The following ZSWIM7 variants were observed in gnomAD, a reference collection of about 807,000 sequenced individuals.
ZSWIM7 encodes zinc finger SWIM-type containing 7.
A neutral mutation model predicts 21.1 loss-of-function variants in ZSWIM7; 22 were observed. That is an observed-to-expected ratio of 1.04 (90% confidence interval 0.74 to 1.49). The LOEUF (loss-of-function observed/expected upper bound fraction) is 1.49. Ranked by LOEUF, ZSWIM7 falls within the 40% of genes most tolerant of loss-of-function variation. ZSWIM7 has a pLI of 0.00. For missense variants in ZSWIM7, 193 were observed against 168.0 expected (o/e 1.15, Z -0.82); for synonymous variants, 67 against 66.5 (o/e 1.01, Z -0.04).
chr17:15,997,389 T>C (rs1970568873), intron 1 of ZSWIM7, among the ~76,000 whole-genome samples: 1 of 152,118 alleles, frequency 6.6e-6, no homozygotes, highest in Non-Finnish European at 1.5e-5. Flanking sequence ...GAGGGGAGAT[T>C]GAGAACACTA....
At chr17:15,997,107 TG>T (rs1970564450) in intron 1 of ZSWIM7, among the ~76,000 whole-genome samples, 3 of 150,026 alleles carry the variant, frequency 2.0e-5, no homozygotes, top group South Asian at 4.2e-4. Flanking sequence ...AAAGCTACAG[TG>T]AGCTTTGATC....
At chr17:15,978,800 C>T (rs1970309504) in intron 4 of ZSWIM7, among the ~76,000 whole-genome samples, 1 of 152,142 alleles carries the variant, frequency 6.6e-6, no homozygotes, top group South Asian at 2.1e-4. Context: ...TCCTTGCCTT[C>T]AGAAAGCTGT....
intron 1 of ZSWIM7, among the ~76,000 whole-genome samples, chr17:15,994,249 G>A (rs368965225): frequency 1.6e-4 from 24 of 152,268 alleles, no homozygotes; most frequent in African/African-American, 3.9e-4. Context: ...CACCGTGCCC[G>A]GCCAGATTTG....
chr17:15,989,158 G>T (rs1304212204), intron 2 of ZSWIM7, among the ~76,000 whole-genome samples: 20 of 152,084 alleles, frequency 1.3e-4, no homozygotes, highest in Non-Finnish European at 1.6e-4. Context: ...TAGTAATAAG[G>T]CTATCCAACT....
Position 15,999,601 on chromosome 17 carries a change from G to T in ZSWIM7, c.-7C>A. ...CCGGCAACACTACGGCCATCGCGCC[G>T]CAGGACACGCCCTCCACGACCGGCG... On this transcript the variant is annotated 5_prime_UTR_variant, in exon 1 of 5. Coordinates refer to ENST00000399277, the MANE Select transcript of ZSWIM7 (RefSeq NM_001042697.2). 6.4e-7 allele frequency: 1 copy of T among 1,570,672 alleles called. No homozygotes were observed. The highest frequency in any genetic ancestry group is 8.6e-7 in the Non-Finnish European group (1 of 1,159,510).
intron 3 of ZSWIM7, among the ~76,000 whole-genome samples, chr17:15,982,214 C>G: frequency 6.6e-6 from 1 of 151,998 alleles, no homozygotes; most frequent in South Asian, 2.1e-4. Flanking sequence ...AGTATGATCG[C>G]ACAAATTTGC....
chr17:15,989,311 TA>T (rs1970453136), intron 2 of ZSWIM7, among the ~76,000 whole-genome samples: 1 of 152,044 alleles, frequency 6.6e-6, no homozygotes, highest in Non-Finnish European at 1.5e-5. Flanking sequence ...ATGTCAAAAT[TA>T]AAAGTTTAAT....
rs116504617 is a variant in ZSWIM7 at position 15,996,561 on chromosome 17, C to T, written c.77-2783G>A. Among the ~76,000 whole-genome samples the T allele has an allele frequency of 1.2e-3, 178 of 152,178 alleles. 1 individual carries two copies. Among genetic ancestry groups the T allele is most frequent in the African/African-American group, 4.1e-3 (170 of 41,520 alleles). On this transcript the variant is annotated intron_variant, in intron 1 of 4. Transcript: ENST00000399277. The stretch of plus-strand genomic sequence containing the variant: ...CCTGGGGAACAGAGTGAGACCCGGT[C>T]TCAAAAAATAGAAAAGAAAGCCTCA...
chr17:15,993,639 T>C, intron 2 of ZSWIM7, 118 bp downstream of exon 2: 2 of 771,234 alleles, frequency 2.6e-6, no homozygotes, highest in Non-Finnish European at 4.3e-6. Flanking sequence ...GTGCTGGGAT[T>C]ATAGGCGTGA....
chr17:15,992,718 C>T (rs185825956), intron 2 of ZSWIM7, among the ~76,000 whole-genome samples: 2 of 152,000 alleles, frequency 1.3e-5, no homozygotes, highest in Non-Finnish European at 2.9e-5. Flanking sequence ...CGATTACAGG[C>T]GTGAGCCATT....
At chr17:15,982,930 G>A (rs1225161175) in intron 3 of ZSWIM7, among the ~76,000 whole-genome samples, 2 of 152,190 alleles carry the variant, frequency 1.3e-5, no homozygotes, top group African/African-American at 2.4e-5. Flanking sequence ...TGGGATTACA[G>A]GCATGAGCTA....
chr17:15,990,411 C>T (rs1970468152), intron 2 of ZSWIM7, among the ~76,000 whole-genome samples: 2 of 151,664 alleles, frequency 1.3e-5, no homozygotes, highest in Non-Finnish European at 2.9e-5. Context: ...AGTGGCACGA[C>T]CTCTGCTCAC....
At chr17:15,990,337 G>GTTA (rs367797972) in intron 2 of ZSWIM7, among the ~76,000 whole-genome samples, 178 of 150,872 alleles carry the variant, frequency 1.2e-3, no homozygotes, top group Middle Eastern at 3.5e-3. Flanking sequence ...ATAAGTGTGG[G>GTTA]TTATTATTAT....
At chr17:15,981,529 C>T (rs1003878141) in intron 3 of ZSWIM7, among the ~76,000 whole-genome samples, 1 of 152,056 alleles carries the variant, frequency 6.6e-6, no homozygotes, top group Non-Finnish European at 1.5e-5. Flanking sequence ...TGGTATTTCA[C>T]AGCAGGTGTA....
At chr17:15,990,337 G>GTTATTA (rs367797972) in intron 2 of ZSWIM7, among the ~76,000 whole-genome samples, 14 of 150,798 alleles carry the variant, frequency 9.3e-5, no homozygotes, top group South Asian at 6.3e-4. Context: ...ATAAGTGTGG[G>GTTATTA]TTATTATTAT....
At chr17:15,980,594 G>A (rs1212521283) in intron 4 of ZSWIM7, among the ~76,000 whole-genome samples, 1 of 152,156 alleles carries the variant, frequency 6.6e-6, no homozygotes. Flanking sequence ...TGATGAAATT[G>A]GCAAAGGCTT....
chr17:15,979,431 C>G lies in ZSWIM7; in HGVS notation c.307-1268G>C, dbSNP rs1421419232. On this transcript the variant is annotated intron_variant, in intron 4 of 4. Coordinates refer to ENST00000399277, the MANE Select transcript of ZSWIM7 (RefSeq NM_001042697.2). ...CAACCATCCAATTTCTCAATCTTTT[C>G]CCTACCTTTCCCTGCTTTCTATTCC... Among the ~76,000 whole-genome samples, 14 of 152,362 alleles carry G rather than the reference C, an allele frequency of 9.2e-5. No individual in the cohort carries two copies. In the South Asian group the frequency reaches 2.7e-3, roughly 29 times the overall value.
intron 3 of ZSWIM7, among the ~76,000 whole-genome samples, chr17:15,985,441 A>G (rs894804506): frequency 1.3e-5 from 2 of 152,198 alleles, no homozygotes; most frequent in African/African-American, 4.8e-5. Context: ...CTATGAAAAG[A>G]TAACTAGCTG....
intron 1 of ZSWIM7, among the ~76,000 whole-genome samples, chr17:15,997,019 C>T (rs1005301264): frequency 6.6e-6 from 1 of 151,930 alleles, no homozygotes; most frequent in Non-Finnish European, 1.5e-5. Context: ...AACTAGCCAG[C>T]TGTGGTATTG....
Sources: gnomAD v4.1 joint callset for allele counts (sites outside exome capture counted in the v4.1 genomes callset) on GRCh38, gnomAD v4.1.1 for gene constraint, MANE v1.5 for transcripts, NCBI Gene and HGNC (gene_info 2026-07-23, HGNC 2026-07-21) for gene names.